The following WASL variants were observed in gnomAD, a reference collection of about 807,000 sequenced individuals.
WASL encodes WASP like actin nucleation promoting factor.
A neutral mutation model predicts 55.5 loss-of-function variants in WASL; 20 were observed. That is an observed-to-expected ratio of 0.36 (90% CI 0.25 to 0.52). The LOEUF (loss-of-function observed/expected upper bound fraction) is 0.52. Among genes scored for constraint, WASL ranks in the 20% least tolerant of loss-of-function variants. WASL has a pLI of 0.92. For missense variants in WASL, 504 were observed against 622.5 expected (o/e 0.81, Z 2.03); for synonymous variants, 249 against 217.6 (o/e 1.14, Z -1.27).
intron 10 of WASL, among the ~76,000 whole-genome samples, chr7:123,685,152 G>C (rs777765772): frequency 4.0e-5 from 6 of 151,726 alleles, no homozygotes; most frequent in African/African-American, 1.5e-4. Flanking sequence ...TGCAACTCTA[G>C]AGTCTATTTG....
Position 123,689,236 on chromosome 7 carries a change from C to T in WASL, c.1348-86G>A, listed in dbSNP as rs768636431. On this transcript the variant is annotated intron_variant, in intron 9 of 10. Transcript: ENST00000223023. ...AGAAAGTCCTACTTTCTTAGAATCACTTCTTATTGTAAAAGACAAAAAAGA... is the reference window on the plus strand; with the variant it reads ...AGAAAGTCCTACTTTCTTAGAATCATTTCTTATTGTAAAAGACAAAAAAGA... The T allele has an allele frequency of 5.6e-6, 6 of 1,080,866 alleles. No homozygotes were observed. In the African/African-American group the frequency reaches 6.3e-5, roughly 11 times the overall value. The allele number at this position is 1,080,866 out of a possible 1,614,324, so 67.0% of individuals were successfully genotyped here.
At chr7:123,734,909 T>C (rs1804200501) in intron 1 of WASL, among the ~76,000 whole-genome samples, 2 of 152,094 alleles carry the variant, frequency 1.3e-5, no homozygotes, top group African/African-American at 2.4e-5. Context: ...ACAGAGTATA[T>C]GGCAACCCTT....
At chr7:123,737,139 A>T (rs1804246220) in intron 1 of WASL, among the ~76,000 whole-genome samples, 1 of 152,196 alleles carries the variant, frequency 6.6e-6, no homozygotes, top group Admixed American at 6.5e-5. Context: ...CCCTAACAAT[A>T]GCTGATGAAC....
intron 1 of WASL, among the ~76,000 whole-genome samples, chr7:123,724,653 TGA>T (rs1464924624): frequency 6.6e-6 from 1 of 152,146 alleles, no homozygotes; most frequent in African/African-American, 2.4e-5. Flanking sequence ...CGGATTGAAC[TGA>T]GAGGGGTGCC....
intron 1 of WASL, among the ~76,000 whole-genome samples, chr7:123,741,053 G>C (rs1327637515): frequency 1.3e-5 from 2 of 152,094 alleles, no homozygotes; most frequent in Non-Finnish European, 2.9e-5. Context: ...CATTATCCCA[G>C]GATGAGCAAG....
At chr7:123,706,098 A>G (rs767080910) in intron 4 of WASL, among the ~76,000 whole-genome samples, 179 bp downstream of exon 4, 20 of 152,188 alleles carry the variant, frequency 1.3e-4, no homozygotes, top group African/African-American at 4.6e-4. Context: ...TGAGGACCAT[A>G]TATCACTGTC....
chr7:123,693,312 G>C (rs1803442672), intron 8 of WASL, among the ~76,000 whole-genome samples: 1 of 152,058 alleles, frequency 6.6e-6, no homozygotes, highest in Non-Finnish European at 1.5e-5. Flanking sequence ...TTCACATTCA[G>C]AATTATAGTG....
chr7:123,696,099 G>T (rs1164568425), intron 6 of WASL, among the ~76,000 whole-genome samples: 1 of 152,014 alleles, frequency 6.6e-6, no homozygotes, highest in African/African-American at 2.4e-5. Context: ...ATCTCTCTGA[G>T]CATCTATTTC....
intron 1 of WASL, among the ~76,000 whole-genome samples, chr7:123,713,123 A>G (rs1402040521): frequency 1.3e-5 from 2 of 152,142 alleles, no homozygotes; most frequent in Non-Finnish European, 2.9e-5. Flanking sequence ...CAAATATACA[A>G]TGTTAAAGAA....
chr7:123,690,612 T>C (rs566824970), intron 9 of WASL, among the ~76,000 whole-genome samples: 2 of 49,192 alleles, frequency 4.1e-5, no homozygotes, highest in African/African-American at 1.3e-4. Flanking sequence ...TTTTGCTGCT[T>C]CTTTTTTTTT....
intron 10 of WASL, 25 bp downstream of exon 10, chr7:123,689,016 CT>C: frequency 6.8e-7 from 1 of 1,462,240 alleles, no homozygotes; most frequent in Non-Finnish European, 9.3e-7. Flanking sequence ...GTCTCTCTCT[CT>C]CTCTCTCTCT....
In WASL at chr7:123,683,356, G is replaced by T. The variant is rs1803232115; in HGVS notation, c.*1163C>A. ...TTTAGTATGCATAACAAATGTGCAG[G>T]TTGTAAAGTTTTATCTTTAAAAAAA... On this transcript the variant is annotated 3_prime_UTR_variant, in exon 11 of 11. Transcript: ENST00000223023. 1 of 151,442 alleles carries T rather than the reference G, an allele frequency of 6.6e-6. No individual in the cohort carries two copies. The highest frequency in any genetic ancestry group is 6.6e-5 in the Admixed American group (1 of 15,198). 9.4% of individuals were successfully genotyped at this position (151,442 alleles called of 1,614,324 possible).
chr7:123,701,493 T>C (rs1031858950), intron 5 of WASL, among the ~76,000 whole-genome samples: 2 of 152,204 alleles, frequency 1.3e-5, no homozygotes, highest in African/African-American at 4.8e-5. Flanking sequence ...TTGGAAAGCA[T>C]ATATGCTAAA....
chr7:123,725,724 G>T (rs1804031205), intron 1 of WASL, among the ~76,000 whole-genome samples: 2 of 152,110 alleles, frequency 1.3e-5, no homozygotes, highest in African/African-American at 2.4e-5. Flanking sequence ...CGTTGTCACA[G>T]AGGTAGAAAC....
chr7:123,706,321 C>A lies in WASL; in HGVS notation c.392G>T (p.Arg131Leu). ...FANEEEAKKF[R>L]KAVTDLLGRR... ...GCCCAAAAGGTCTGTAACTGCTTTT[C>A]GAAATTTTTTTGCTTCTTCTTCATT... Residue 131 changes from arginine (R) to leucine (L), a missense_variant, in exon 4 of 11, where the codon CGA (arginine) becomes CTA (leucine). Coordinates refer to ENST00000223023, the MANE Select transcript of WASL (RefSeq NM_003941.4). The A allele has an allele frequency of 6.2e-7, 1 of 1,613,454 alleles. No individual in the cohort carries two copies. The highest frequency in any genetic ancestry group is 8.5e-7 in the Non-Finnish European group (1 of 1,179,730).
chr7:123,695,458 C>A (rs980363900), intron 7 of WASL, among the ~76,000 whole-genome samples: 2 of 152,090 alleles, frequency 1.3e-5, no homozygotes, highest in African/African-American at 2.4e-5. Flanking sequence ...ATGAAAAGAT[C>A]TGGAGAATTC....
intron 9 of WASL, among the ~76,000 whole-genome samples, chr7:123,691,107 T>C (rs181586758): frequency 6.6e-6 from 1 of 152,364 alleles, no homozygotes; most frequent in East Asian, 1.9e-4. Context: ...CATGTTTTCA[T>C]TCAATTAGTT....
chr7:123,703,010 A>C (rs1803615610), intron 5 of WASL, among the ~76,000 whole-genome samples: 1 of 152,168 alleles, frequency 6.6e-6, no homozygotes, highest in African/African-American at 2.4e-5. Flanking sequence ...CCAAACTCAA[A>C]ATAATGTAAC....
At chr7:123,722,041 T>C (rs1803957767) in intron 1 of WASL, among the ~76,000 whole-genome samples, 1 of 152,114 alleles carries the variant, frequency 6.6e-6, no homozygotes, top group Non-Finnish European at 1.5e-5. Flanking sequence ...GTACTGTTAG[T>C]TTCTGGACTC....
Sources: allele counts gnomAD v4.1 joint callset (sites outside exome capture counted in the v4.1 genomes callset), GRCh38; gene constraint gnomAD v4.1.1; transcripts MANE v1.5; gene names NCBI Gene and HGNC (gene_info 2026-07-23, HGNC 2026-07-21).